TAFA2: variants seen among roughly 807,000 people sequenced by gnomAD.
The protein encoded by TAFA2 is chemokine-like protein TAFA-2.
Under a neutral mutation model 18.8 loss-of-function variants are expected in TAFA2, and 7 were observed. That is an observed-to-expected ratio of 0.37 (90% CI 0.21 to 0.70). TAFA2 has a LOEUF of 0.70. Among genes scored for constraint, TAFA2 ranks in the 30% least tolerant of loss-of-function variants. The pLI, the probability that TAFA2 is intolerant of heterozygous loss-of-function variation, is 0.53. For missense variants in TAFA2, 122 were observed against 158.1 expected (o/e 0.77, Z 1.23); for synonymous variants, 60 against 54.2 (o/e 1.11, Z -0.47).
intron 1 of TAFA2, among the ~76,000 whole-genome samples, chr12:62,106,725 G>T (rs1481304865): frequency 6.6e-6 from 1 of 151,940 alleles, no homozygotes; most frequent in Non-Finnish European, 1.5e-5. Flanking sequence ...TCCAACACTC[G>T]CCCCTAACAT....
chr12:61,829,750 T>C (rs1872647779), intron 2 of TAFA2, among the ~76,000 whole-genome samples: 1 of 151,690 alleles, frequency 6.6e-6, no homozygotes, highest in South Asian at 2.1e-4. Context: ...AATGTCATAA[T>C]GCTAATCTCT....
intron 1 of TAFA2, among the ~76,000 whole-genome samples, chr12:62,158,449 T>C (rs2136927405): frequency 6.6e-6 from 1 of 152,320 alleles, no homozygotes; most frequent in Non-Finnish European, 1.5e-5. Flanking sequence ...CCAGGTCTTC[T>C]CCTGGTGAGT....
intron 1 of TAFA2, among the ~76,000 whole-genome samples, chr12:62,131,924 C>T (rs1447533984): frequency 6.6e-6 from 1 of 151,822 alleles, no homozygotes; most frequent in African/African-American, 2.4e-5. Flanking sequence ...TTCTGTCATT[C>T]CTATTCACAG....
At position 61,955,611 on chromosome 12, in the gene TAFA2, AAAAAAAAAAAAAAAAAAAAAAATATAT is replaced by A. The variant is rs1241097677; in HGVS notation, c.-1-88212_-1-88186del. On this transcript the variant is annotated intron_variant, in intron 1 of 4. Coordinates refer to ENST00000416284, the MANE Select transcript of TAFA2 (RefSeq NM_178539.5). ...GCAAGACTCCATCTCAAAAAAAAAA[AAAAAAAAAAAAAAAAAAAAAAATATAT>A]ATATATATATATATATATATATATA... 1.7e-4 allele frequency among the ~76,000 whole-genome samples: 4 copies of A among 24,024 alleles called. 1 individual carries two copies. Among genetic ancestry groups the A allele is most frequent in the African/African-American group, 2.4e-4 (2 of 8,416 alleles). 15.8% of individuals were successfully genotyped at this position (24,024 alleles called of 152,430 possible).
At chr12:62,085,943 G>A (rs962432290) in intron 1 of TAFA2, among the ~76,000 whole-genome samples, 1 of 151,882 alleles carries the variant, frequency 6.6e-6, no homozygotes, top group Non-Finnish European at 1.5e-5. Flanking sequence ...AAAGAGTGTG[G>A]CACTTCCCTA....
intron 1 of TAFA2, among the ~76,000 whole-genome samples, chr12:62,210,647 T>C (rs2062709492): frequency 2.0e-5 from 3 of 152,152 alleles, no homozygotes; most frequent in Admixed American, 6.5e-5. Context: ...GCAAAAAGCA[T>C]GTACATATTG....
At chr12:62,115,291 T>C (rs1360403329) in intron 1 of TAFA2, among the ~76,000 whole-genome samples, 1 of 152,154 alleles carries the variant, frequency 6.6e-6, no homozygotes, top group South Asian at 2.1e-4. Context: ...TCCAAGTGTA[T>C]GTATCAGATC....
intron 2 of TAFA2, among the ~76,000 whole-genome samples, chr12:61,845,207 G>A (rs546908239): frequency 8.4e-4 from 128 of 152,218 alleles, no homozygotes; most frequent in African/African-American, 2.8e-3. Context: ...AATCATGCCC[G>A]TAGCAGTTGT....
chr12:61,843,841 A>T (rs1873291711), intron 2 of TAFA2, among the ~76,000 whole-genome samples: 1 of 152,142 alleles, frequency 6.6e-6, no homozygotes, highest in Admixed American at 6.6e-5. Context: ...AGCTGTGTTA[A>T]CACATTCAGC....
At chr12:62,022,316 A>G (rs532936120) in intron 1 of TAFA2, 4 of 171,086 alleles carry the variant, frequency 2.3e-5, no homozygotes, top group African/African-American at 9.5e-5. Context: ...CTATGACATG[A>G]TCAGTTTTAT....
intron 2 of TAFA2, among the ~76,000 whole-genome samples, chr12:61,788,089 G>A (rs1179621107): frequency 1.3e-5 from 2 of 151,494 alleles, no homozygotes; most frequent in African/African-American, 2.4e-5. Context: ...AAGTCAAAAA[G>A]TGTAAAAAGG....
intron 1 of TAFA2, among the ~76,000 whole-genome samples, chr12:62,233,026 C>T (rs1163692615): frequency 6.9e-6 from 1 of 145,076 alleles, no homozygotes; most frequent in African/African-American, 2.6e-5. Context: ...TACCCAATTG[C>T]AAGTCCTCAC....
chr12:62,040,703 C>T (rs1226111847), intron 1 of TAFA2, among the ~76,000 whole-genome samples: 6 of 152,106 alleles, frequency 3.9e-5, no homozygotes, highest in Admixed American at 3.9e-4. Context: ...ACTTCTGGTA[C>T]TTCATGACAG....
intron 1 of TAFA2, chr12:62,252,066 T>C (rs1441107989): frequency 6.6e-6 from 1 of 152,248 alleles, no homozygotes; most frequent in African/African-American, 2.4e-5. Context: ...ACTCAATATA[T>C]GCTTCCTGAT....
intron 1 of TAFA2, among the ~76,000 whole-genome samples, chr12:61,967,648 A>T (rs1186202563): frequency 6.6e-6 from 1 of 151,886 alleles, no homozygotes; most frequent in Non-Finnish European, 1.5e-5. Flanking sequence ...AACCATTCAA[A>T]ATAACATTCA....
At chr12:61,991,823 T>C (rs562859753) in intron 1 of TAFA2, among the ~76,000 whole-genome samples, 2 of 152,318 alleles carry the variant, frequency 1.3e-5, no homozygotes, top group South Asian at 4.1e-4. Flanking sequence ...CCAATGATTT[T>C]AACATTGCCA....
chr12:61,971,146 T>G (rs772567451), intron 1 of TAFA2, among the ~76,000 whole-genome samples: 2 of 151,564 alleles, frequency 1.3e-5, no homozygotes, highest in Non-Finnish European at 3.0e-5. Flanking sequence ...TATAGAATGC[T>G]CATTTGAAAA....
intron 1 of TAFA2, among the ~76,000 whole-genome samples, chr12:62,225,277 T>A (rs1490815129): frequency 1.3e-5 from 2 of 152,162 alleles, no homozygotes; most frequent in African/African-American, 4.8e-5. Context: ...GAATGACTAC[T>A]TTAGCAAATG....
intron 2 of TAFA2, among the ~76,000 whole-genome samples, chr12:61,760,810 C>T (rs112482743): frequency 1.3e-5 from 2 of 150,900 alleles, no homozygotes; most frequent in African/African-American, 2.4e-5. Flanking sequence ...GCAAGACCCC[C>T]GGAGAAGATT....
Sources: allele counts gnomAD v4.1 joint callset (sites outside exome capture counted in the v4.1 genomes callset), GRCh38; gene constraint gnomAD v4.1.1; transcripts MANE v1.5; gene names NCBI Gene and HGNC (gene_info 2026-07-23, HGNC 2026-07-21).